The following SH3TC2 variants were observed in gnomAD, a reference collection of about 807,000 sequenced individuals.
SH3TC2 encodes the protein SH3 domain and tetratricopeptide repeat-containing protein 2.
A neutral mutation model predicts 124.5 loss-of-function variants in SH3TC2; 87 were observed. The observed-to-expected ratio is 0.70, with a 90% CI of 0.59 to 0.84. SH3TC2 has a LOEUF of 0.84. Ranked by LOEUF, SH3TC2 falls within the 40% of genes least tolerant of loss-of-function variation. The probability of loss-of-function intolerance (pLI) is 0.00; values close to 1 mark genes in which losing one functional copy is unlikely to be tolerated. For missense variants in SH3TC2, 1,536 were observed against 1,566.4 expected (o/e 0.98, Z 0.33); for synonymous variants, 634 against 628.5 (o/e 1.01, Z -0.13).
Position 149,031,560 on chromosome 5 carries a change from G to T in SH3TC2, c.1129C>A (p.Arg377=), listed in dbSNP as rs753775570. The change falls in exon 9 of 17, where the codon CGG becomes AGG. Residue 377 remains arginine, a synonymous_variant. Transcript: ENST00000515425. ...LARTDITSVY[R]LSGFESIQNP... is the part of the protein sequence containing the mutation. The stretch of plus-strand genomic sequence containing the variant: ...TCTGAGGACCAACACTCACTGAGCC[G>T]GTAGACAGATGTGATGTCAGTGCGA... The T allele has an allele frequency of 6.2e-7, 1 of 1,613,982 alleles. No individual in the cohort carries two copies. Among genetic ancestry groups the T allele is most frequent in the South Asian group, 1.1e-5 (1 of 91,086 alleles).
chr5:149,044,488 A>C, intron 4 of SH3TC2, 45 bp downstream of exon 4: 1 of 1,500,024 alleles, frequency 6.7e-7, no homozygotes, highest in Non-Finnish European at 9.3e-7. Context: ...AAATTGGCTA[A>C]ATTGTGGAGG....
intron 4 of SH3TC2, 44 bp from the exon 5 acceptor site, chr5:149,042,881 G>A (rs1754396427): frequency 1.2e-6 from 2 of 1,611,526 alleles, no homozygotes; most frequent in Middle Eastern, 1.9e-4. Context: ...AATGATTTCT[G>A]ACATAGCTGA....
rs1217323284 is a variant in SH3TC2 at position 148,983,380 on chromosome 5, G to C, written c.*21331C>G. On this transcript the variant is annotated 3_prime_UTR_variant, in exon 17 of 17. Coordinates refer to ENST00000515425, the MANE Select transcript of SH3TC2 (RefSeq NM_024577.4). ...TAATGGAGGGAACAGACCAGGTTCTGAGTGGATGAAAATAGCTCAAAAGGA... is the reference window on the plus strand; with the variant it reads ...TAATGGAGGGAACAGACCAGGTTCTCAGTGGATGAAAATAGCTCAAAAGGA... Among the ~76,000 whole-genome samples the C allele has an allele frequency of 6.6e-6, 1 of 152,182 alleles. No homozygotes were observed. The highest frequency in any genetic ancestry group is 6.5e-5 in the Admixed American group (1 of 15,288).
At chr5:149,021,806 C>T (rs947126778) in intron 12 of SH3TC2, among the ~76,000 whole-genome samples, 1 of 146,378 alleles carries the variant, frequency 6.8e-6, no homozygotes, top group African/African-American at 2.5e-5. Flanking sequence ...AAAGGTAAGT[C>T]AAGATTTAGA....
In SH3TC2 at chr5:149,031,439, C is replaced by T. The variant is rs574340983; in HGVS notation, c.1135+115G>A. On this transcript the variant is annotated intron_variant, in intron 9 of 16. Coordinates refer to ENST00000515425, the MANE Select transcript of SH3TC2 (RefSeq NM_024577.4). ...GTCGTCAACAGAATAGTGGTCATGG[C>T]CACCCAAATTCATGAATAGGATTAG... The T allele has an allele frequency of 4.9e-6, 7 of 1,419,242 alleles. No homozygotes were observed. In the African/African-American group the frequency reaches 8.4e-5, roughly 17 times the overall value. The allele number at this position is 1,419,242 out of a possible 1,614,324, so 87.9% of individuals were successfully genotyped here.
intron 4 of SH3TC2, 111 bp downstream of exon 4, chr5:149,044,422 G>T: frequency 1.3e-6 from 1 of 784,910 alleles, no homozygotes. Context: ...TCTTTTTTAA[G>T]GCTCTATTTC....
In SH3TC2 at chr5:149,038,360, C is replaced by T. The variant is rs918659172; in HGVS notation, c.936G>A (p.Ser312=). 23 of 1,614,056 alleles carry T rather than the reference C, an allele frequency of 1.4e-5. No individual in the cohort carries two copies. The highest frequency in any genetic ancestry group is 4.4e-5 in the South Asian group (4 of 91,084). The change falls in exon 8 of 17, where the codon TCG becomes TCA. Residue 312 remains serine (S), a synonymous_variant. Transcript: ENST00000515425. ...CAAAGCCCACTTGTCCTGAACTTGTCGACTTTCCAATGAACCACTGAAGCC... is the reference window on the plus strand; with the variant it reads ...CAAAGCCCACTTGTCCTGAACTTGTTGACTTTCCAATGAACCACTGAAGCC... The part of the protein sequence containing the change: ...IPGLQWFIGK[S]TSSGQVGFVP...
chr5:149,003,800 C>T lies in SH3TC2; in HGVS notation c.*911G>A, dbSNP rs1275540781. ...CCGGAGTCTGAGGTCGCAGGAAGCC[C>T]TGACTGTACCACTGAACTCCAGCCT... On this transcript the variant is annotated 3_prime_UTR_variant, in exon 17 of 17. Coordinates refer to ENST00000515425, the MANE Select transcript of SH3TC2 (RefSeq NM_024577.4). 4 of 433,124 alleles carry T rather than the reference C, an allele frequency of 9.2e-6. No individual in the cohort carries two copies. Among genetic ancestry groups the T allele is most frequent in the Non-Finnish European group, 1.8e-5 (4 of 217,376 alleles). The allele number at this position is 433,124 out of a possible 1,614,324, so 26.8% of individuals were successfully genotyped here.
intron 14 of SH3TC2, 23 bp from the exon 15 acceptor site, chr5:149,009,024 C>A (rs367992641): frequency 1.2e-6 from 2 of 1,614,014 alleles, no homozygotes; most frequent in Non-Finnish European, 1.7e-6. Context: ...GCCCAAGGAA[C>A]CTTAGTCTAG....
intron 6 of SH3TC2, 52 bp downstream of exon 6, chr5:149,041,364 C>A: frequency 6.3e-7 from 1 of 1,591,516 alleles, no homozygotes; most frequent in Non-Finnish European, 8.6e-7. Flanking sequence ...CTGTTCTGTG[C>A]AAACCTCAGT....
At chr5:149,031,731 T>A in intron 8 of SH3TC2, 44 bp from the exon 9 acceptor site, 1 of 1,611,874 alleles carries the variant, frequency 6.2e-7, no homozygotes, top group Non-Finnish European at 8.5e-7. Context: ...CTGCAAGGCT[T>A]CAGACTCCAT....
rs140904010 is a variant in SH3TC2, at chr5:149,028,433, C to G, written c.1299G>C (p.Ser433=). 6.2e-6 allele frequency: 10 copies of G among 1,613,238 alleles called. No individual in the cohort carries two copies. The highest frequency in any genetic ancestry group is 1.1e-5 in the South Asian group (1 of 91,054). Residue 433 remains serine (S), a synonymous_variant, in exon 11 of 17, where the codon TCG becomes TCC. Transcript: ENST00000515425. ...GCAGGCGATAGCTGTCTGAGGTGGC[C>G]GAGAGGAGCTCCTCCTCCAGGCTGG... ...EDSSLEEELL[S]ATSDSYRLPE...
Position 149,002,936 on chromosome 5 carries a change from T to C in SH3TC2, c.*1775A>G, listed in dbSNP as rs1181777625. On this transcript the variant is annotated 3_prime_UTR_variant, in exon 17 of 17. Coordinates refer to ENST00000515425, the MANE Select transcript of SH3TC2 (RefSeq NM_024577.4). ...GGTGCTTCCCATACTTTAGGGTGCA[T>C]TAAAATCACCAGGAAAGCTTGGACG... The C allele has an allele frequency of 6.5e-6, 1 of 152,856 alleles. No individual in the cohort carries two copies. The highest frequency in any genetic ancestry group is 1.9e-4 in the East Asian group (1 of 5,196). The allele number at this position is 152,856 out of a possible 1,614,324, so 9.5% of individuals were successfully genotyped here.
chr5:149,009,081 A>G (rs1180553113), intron 14 of SH3TC2, 80 bp from the exon 15 acceptor site: 2 of 1,585,256 alleles, frequency 1.3e-6, no homozygotes, highest in Non-Finnish European at 1.7e-6. Context: ...TATCTTCTAC[A>G]GGCAGGGGTT....
At chr5:149,031,425 A>G (rs1754191172) in intron 9 of SH3TC2, 129 bp downstream of exon 9, 1 of 1,231,600 alleles carries the variant, frequency 8.1e-7, no homozygotes, top group African/African-American at 1.5e-5. Flanking sequence ...TCGTCAACAG[A>G]ATAGTGGTCA....
In SH3TC2 at chr5:149,052,230, A is replaced by G. The variant is rs1754571281; in HGVS notation, c.63T>C (p.Thr21=). ...RSLTRGPGKE[T]PSKDPTVSSE... ...TCGATACAGTTGGATCCTTGGAAGGAGTTTCTTTACCTGGAGAAGATGAAA... is the reference window on the plus strand; with the variant it reads ...TCGATACAGTTGGATCCTTGGAAGGGGTTTCTTTACCTGGAGAAGATGAAA... Residue 21 remains threonine, a synonymous_variant, in exon 2 of 17, where the codon ACT becomes ACC. Transcript: ENST00000515425. 6.2e-6 allele frequency: 10 copies of G among 1,610,468 alleles called. No individual in the cohort carries two copies. The highest frequency in any genetic ancestry group is 8.5e-6 in the Non-Finnish European group (10 of 1,176,876).
rs1580901194 is a variant in SH3TC2 at position 149,028,220 on chromosome 5, C to T, written c.1512G>A (p.Glu504=). ...LTSSFYSFSE[E]DEFVAYLEAS... Reference sequence around the variant, plus strand: ...CCTCCAGGTAGGCCACAAACTCATCCTCCTCAGAGAAGCTATAAAAGGAAG... The same window carrying T: ...CCTCCAGGTAGGCCACAAACTCATCTTCCTCAGAGAAGCTATAAAAGGAAG... The change falls in exon 11 of 17, where the codon GAG becomes GAA. Residue 504 remains glutamate (E), a synonymous_variant. Coordinates refer to ENST00000515425, the MANE Select transcript of SH3TC2 (RefSeq NM_024577.4). The T allele has an allele frequency of 6.8e-6, 11 of 1,614,042 alleles. No homozygotes were observed. Among genetic ancestry groups the T allele is most frequent in the Non-Finnish European group, 9.3e-6 (11 of 1,180,032 alleles).
chr5:149,035,068 G>A (rs1754260174), intron 8 of SH3TC2, among the ~76,000 whole-genome samples: 1 of 152,134 alleles, frequency 6.6e-6, no homozygotes, highest in African/African-American at 2.4e-5. Flanking sequence ...ACAACTTGCT[G>A]TCAATATGTA....
chr5:149,003,702 C>A lies in SH3TC2; in HGVS notation c.*1009G>T. 1 of 392,978 alleles carries A rather than the reference C, an allele frequency of 2.5e-6. No homozygotes were observed. Among genetic ancestry groups the A allele is most frequent in the African/African-American group, 2.1e-5 (1 of 47,264 alleles). 24.3% of individuals were successfully genotyped at this position (392,978 alleles called of 1,614,324 possible). ...AGCTGCCCTGAAATCAATAAGATGC[C>A]TTGTAGTTGGGTATGGCACATGCCT... On this transcript the variant is annotated 3_prime_UTR_variant, in exon 17 of 17. Coordinates refer to ENST00000515425, the MANE Select transcript of SH3TC2 (RefSeq NM_024577.4).
Sources: gnomAD v4.1 joint callset for allele counts (sites outside exome capture counted in the v4.1 genomes callset) on GRCh38, gnomAD v4.1.1 for gene constraint, MANE v1.5 for transcripts, NCBI Gene and HGNC (gene_info 2026-07-23, HGNC 2026-07-21) for gene names.